PCSK5: variants seen among roughly 807,000 people sequenced by gnomAD.
PCSK5 encodes proprotein convertase subtilisin/kexin type 5, also known as prohormone convertase 5.
A neutral mutation model predicts 233.2 loss-of-function variants in PCSK5; 129 were observed. The observed-to-expected ratio is 0.55, with a 90% CI of 0.48 to 0.64. The LOEUF (loss-of-function observed/expected upper bound fraction) is 0.64, where lower values mean the gene tolerates loss of function less well. PCSK5 is among the 30% of genes least tolerant of loss of function. PCSK5 has a pLI of 0.00. For synonymous variants in PCSK5, 825 were observed against 879.2 expected (o/e 0.94, Z 1.09); for missense variants, 2,076 against 2,430.1 (o/e 0.85, Z 3.06).
intron 1 of PCSK5, among the ~76,000 whole-genome samples, chr9:75,899,785 A>G (rs758714629): frequency 2.0e-5 from 3 of 152,214 alleles, no homozygotes; most frequent in Non-Finnish European, 4.4e-5. Flanking sequence ...GAGATGAAGC[A>G]TGAAGAGAGG....
chr9:76,095,817 G>T, intron 7 of PCSK5, 73 bp from the exon 8 acceptor site: 1 of 1,346,190 alleles, frequency 7.4e-7, no homozygotes, highest in South Asian at 1.2e-5. Flanking sequence ...TACTCAGTTT[G>T]GCTCAGTGGA....
At chr9:76,115,460 C>T (rs1328977379) in intron 9 of PCSK5, among the ~76,000 whole-genome samples, 1 of 152,004 alleles carries the variant, frequency 6.6e-6, no homozygotes, top group East Asian at 1.9e-4. Context: ...ATGCAGTTAC[C>T]CGATAAGATT....
intron 24 of PCSK5, among the ~76,000 whole-genome samples, chr9:76,251,843 A>G (rs1826817006): frequency 6.6e-6 from 1 of 152,108 alleles, no homozygotes; most frequent in African/African-American, 2.4e-5. Context: ...GCTGGTAACT[A>G]GTAGAATCAG....
chr9:75,992,113 A>G (rs1191023335), intron 3 of PCSK5, among the ~76,000 whole-genome samples: 1 of 152,146 alleles, frequency 6.6e-6, no homozygotes, highest in Non-Finnish European at 1.5e-5. Context: ...ATAAATAAAC[A>G]TTGAAATGGC....
chr9:76,241,787 C>G, intron 24 of PCSK5, among the ~76,000 whole-genome samples: 1 of 152,278 alleles, frequency 6.6e-6, no homozygotes, highest in East Asian at 1.9e-4. Flanking sequence ...AAAGGAAACT[C>G]AACTGAAAAG....
intron 5 of PCSK5, among the ~76,000 whole-genome samples, chr9:76,038,365 C>G (rs11144724): frequency 0.15 from 23,074 of 152,062 alleles, 1,907 homozygotes; most frequent in South Asian, 0.3. Flanking sequence ...TCTTGGGACC[C>G]GTTCATTTTA....
At chr9:75,941,208 T>A (rs888502769) in intron 2 of PCSK5, among the ~76,000 whole-genome samples, 1 of 152,202 alleles carries the variant, frequency 6.6e-6, no homozygotes, top group African/African-American at 2.4e-5. Flanking sequence ...AATGACTTAA[T>A]GTTTGGGCTT....
At chr9:76,109,369 A>G (rs890407271) in intron 9 of PCSK5, among the ~76,000 whole-genome samples, 4 of 152,124 alleles carry the variant, frequency 2.6e-5, no homozygotes, top group Non-Finnish European at 5.9e-5. Flanking sequence ...ACCTGATACT[A>G]TAACTATTGC....
chr9:76,097,540 G>C (rs549618031), intron 8 of PCSK5, among the ~76,000 whole-genome samples: 11 of 152,222 alleles, frequency 7.2e-5, no homozygotes, highest in Non-Finnish European at 1.2e-4. Flanking sequence ...AACATATCCT[G>C]CACTCTAGGC....
At chr9:76,354,974 A>G (rs1390360643) in intron 37 of PCSK5, among the ~76,000 whole-genome samples, 1 of 152,234 alleles carries the variant, frequency 6.6e-6, no homozygotes, top group Non-Finnish European at 1.5e-5. Flanking sequence ...TTGAAGAATC[A>G]TTCTATGAAA....
chr9:76,128,131 G>A lies in PCSK5; in HGVS notation c.1209-5978G>A, dbSNP rs76735968. On this transcript the variant is annotated intron_variant, in intron 9 of 37. Transcript: ENST00000674117. ...TTTATACATGCTAAGTCCTGGGACA[G>A]CCCACAAAATGAGCAGAAAAGGGAC... Among the ~76,000 whole-genome samples, 486 of 152,310 alleles carry A rather than the reference G, an allele frequency of 3.2e-3. 3 individuals are homozygous for A. Among genetic ancestry groups the A allele is most frequent in the African/African-American group, 0.011 (453 of 41,568 alleles).
chr9:76,040,755 G>A (rs1829083706), intron 5 of PCSK5, among the ~76,000 whole-genome samples: 1 of 152,042 alleles, frequency 6.6e-6, no homozygotes, highest in Non-Finnish European at 1.5e-5. Flanking sequence ...AATAAACAAT[G>A]TTTAATTCAT....
At chr9:76,336,584 C>G (rs1829685364) in intron 34 of PCSK5, among the ~76,000 whole-genome samples, 1 of 152,142 alleles carries the variant, frequency 6.6e-6, no homozygotes, top group Admixed American at 6.6e-5. Context: ...TGACTTTAAG[C>G]AAGTTGTCTA....
intron 2 of PCSK5, among the ~76,000 whole-genome samples, chr9:75,933,287 C>A (rs903951953): frequency 6.6e-6 from 1 of 152,108 alleles, no homozygotes; most frequent in Non-Finnish European, 1.5e-5. Flanking sequence ...AACTAATTGG[C>A]CTCTCTGATG....
chr9:76,289,255 C>T (rs1207820182), intron 24 of PCSK5, among the ~76,000 whole-genome samples: 1 of 152,122 alleles, frequency 6.6e-6, no homozygotes, highest in Non-Finnish European at 1.5e-5. Flanking sequence ...AGCTGGAAGC[C>T]AGCCACTGTT....
intron 20 of PCSK5, among the ~76,000 whole-genome samples, chr9:76,221,683 C>T (rs190009256): frequency 3.2e-4 from 49 of 152,288 alleles, no homozygotes; most frequent in Middle Eastern, 6.8e-3. Flanking sequence ...AAGGGCCAAA[C>T]GACGGTGGAA....
intron 21 of PCSK5, 44 bp downstream of exon 21, chr9:76,227,649 T>A (rs1374904275): frequency 7.8e-7 from 1 of 1,288,836 alleles, no homozygotes; most frequent in East Asian, 2.4e-5. Context: ...AGCTCATGGA[T>A]TGCAGGGTGG....
chr9:76,263,155 T>C (rs1005984564), intron 24 of PCSK5, among the ~76,000 whole-genome samples: 11 of 151,894 alleles, frequency 7.2e-5, no homozygotes, highest in East Asian at 1.9e-4. Context: ...TGTGGAGAAA[T>C]AGGAACACTT....
intron 17 of PCSK5, among the ~76,000 whole-genome samples, chr9:76,187,331 C>CTAGT (rs1824152179): frequency 6.6e-6 from 1 of 152,020 alleles, no homozygotes; most frequent in African/African-American, 2.4e-5. Context: ...TCCAATCACA[C>CTAGT]TAGTTATTCA....
Sources: allele counts gnomAD v4.1 joint callset (sites outside exome capture counted in the v4.1 genomes callset), GRCh38; gene constraint gnomAD v4.1.1; transcripts MANE v1.5; gene names NCBI Gene and HGNC (gene_info 2026-07-23, HGNC 2026-07-21).